The following ERI3 variants were observed in gnomAD, a reference collection of about 807,000 sequenced individuals.
ERI3 encodes ERI1 exoribonuclease family member 3, also known as ERI1 exoribonuclease 3.
ERI3 carries 18 observed loss-of-function variants against 44.4 expected under a neutral mutation model. The ratio of observed to expected loss-of-function variants is 0.41; its 90% CI spans 0.28 to 0.60. The LOEUF is 0.60. Ranked by LOEUF, ERI3 falls within the 20% of genes least tolerant of loss-of-function variation. ERI3 has a pLI of 0.36. For missense variants in ERI3, 294 were observed against 435.5 expected (o/e 0.68, Z 2.89); for synonymous variants, 183 against 164.8 (o/e 1.11, Z -0.84).
intron 4 of ERI3, among the ~76,000 whole-genome samples, chr1:44,319,015 CAGTT>C (rs1248271688): frequency 6.6e-6 from 1 of 152,226 alleles, no homozygotes; most frequent in Non-Finnish European, 1.5e-5. Context: ...ATTAAAATCT[CAGTT>C]AGGCCCAGTT....
chr1:44,239,781 A>AAAGAGGAGG (rs1454736515), intron 8 of ERI3, among the ~76,000 whole-genome samples: 2 of 149,064 alleles, frequency 1.3e-5, no homozygotes, highest in African/African-American at 2.6e-5. Context: ...AGAAGAAAGG[A>AAAGAGGAGG]AAGAGGAGGG....
intron 7 of ERI3, among the ~76,000 whole-genome samples, chr1:44,265,653 T>TAA (rs1282425892): frequency 7.0e-6 from 1 of 143,386 alleles, no homozygotes; most frequent in South Asian, 2.2e-4. Context: ...ATGGGAGAAT[T>TAA]AAAAAAAAAA....
At chr1:44,302,888 A>T (rs1473744620) in intron 6 of ERI3, among the ~76,000 whole-genome samples, 1 of 152,206 alleles carries the variant, frequency 6.6e-6, no homozygotes, top group Non-Finnish European at 1.5e-5. Context: ...CAAACAGGTT[A>T]TGTGCCCTTG....
At chr1:44,323,247 GC>G (rs1337323010) in intron 3 of ERI3, among the ~76,000 whole-genome samples, 4 of 152,180 alleles carry the variant, frequency 2.6e-5, no homozygotes, top group African/African-American at 9.7e-5. Flanking sequence ...AGGGGCTGGA[GC>G]AGGACTAGAG....
chr1:44,309,098 A>C (rs1242704514), intron 5 of ERI3, among the ~76,000 whole-genome samples: 4 of 152,222 alleles, frequency 2.6e-5, no homozygotes, highest in Non-Finnish European at 2.9e-5. Context: ...AACTGCTCCT[A>C]AACACTCTAA....
At chr1:44,290,302 C>T (rs563682636) in intron 6 of ERI3, among the ~76,000 whole-genome samples, 4 of 152,248 alleles carry the variant, frequency 2.6e-5, no homozygotes, top group Middle Eastern at 3.4e-3. Context: ...ATCATGGGAC[C>T]ATGGAGGCAC....
At chr1:44,312,155 G>A (rs1007985196) in intron 5 of ERI3, among the ~76,000 whole-genome samples, 1 of 151,870 alleles carries the variant, frequency 6.6e-6, no homozygotes, top group Non-Finnish European at 1.5e-5. Context: ...AGGATCTCTC[G>A]GCTAAAAAAA....
At chr1:44,292,319 A>T (rs975359972) in intron 6 of ERI3, among the ~76,000 whole-genome samples, 6 of 152,196 alleles carry the variant, frequency 3.9e-5, no homozygotes, top group African/African-American at 1.4e-4. Flanking sequence ...CATTCTCCAA[A>T]TCCAAAGAAT....
chr1:44,230,349 G>A (rs1163585778), intron 8 of ERI3: 1 of 152,186 alleles, frequency 6.6e-6, no homozygotes, highest in African/African-American at 2.4e-5. Context: ...ACAACTAGAA[G>A]TGCCAGGTTA....
Position 44,221,488 on chromosome 1 carries a change from G to A in ERI3, c.*70C>T. ...ATGCCACTCTCCCTCTTCCCCTCTGGTGAGGGAGAGGAGGATTCTGGGCTG... is the reference window on the plus strand; with the variant it reads ...ATGCCACTCTCCCTCTTCCCCTCTGATGAGGGAGAGGAGGATTCTGGGCTG... On this transcript the variant is annotated 3_prime_UTR_variant, in exon 9 of 9. Transcript: ENST00000372257. This position sits in a 1 kb window ranked among gnomAD's most constrained non-coding sequence, Gnocchi z 5.9. The A allele has an allele frequency of 8.1e-7, 1 of 1,236,232 alleles. No individual in the cohort carries two copies. The highest frequency in any genetic ancestry group is 1.2e-6 in the Non-Finnish European group (1 of 838,896). 76.6% of individuals were successfully genotyped at this position (1,236,232 alleles called of 1,614,324 possible). A position where few individuals can be genotyped will look rare whatever the true frequency, so the allele number is the denominator to read the frequency against.
Position 44,345,139 on chromosome 1 carries a change from C to G in ERI3, c.212-5817G>C, listed in dbSNP as rs1646758839. Among the ~76,000 whole-genome samples, 3 of 152,212 alleles carry G rather than the reference C, an allele frequency of 2.0e-5. No homozygotes were observed. In the South Asian group the frequency reaches 6.2e-4, roughly 32 times the overall value. ...GAGAGACCAAAGAAGCACCAAATCA[C>G]CAGATTAGAGGAACCACAGAGGAGT... On this transcript the variant is annotated intron_variant, in intron 2 of 8. Transcript: ENST00000372257.
At chr1:44,347,879 T>TTGTG (rs113526509) in intron 2 of ERI3, among the ~76,000 whole-genome samples, 4,352 of 148,862 alleles carry the variant, frequency 0.029, 60 homozygotes, top group African/African-American at 0.04. Flanking sequence ...GATTGTTTTG[T>TTGTG]TGTGTGTGTG....
At chr1:44,260,737 C>A (rs1644876916) in intron 7 of ERI3, among the ~76,000 whole-genome samples, 1 of 151,434 alleles carries the variant, frequency 6.6e-6, no homozygotes, top group African/African-American at 2.4e-5. Flanking sequence ...CTTCATTCAA[C>A]TCCCCCACCC....
intron 4 of ERI3, among the ~76,000 whole-genome samples, chr1:44,314,118 G>C (rs1452397938): frequency 6.6e-6 from 1 of 150,770 alleles, no homozygotes; most frequent in African/African-American, 2.4e-5. Context: ...CAGTATCTCA[G>C]ACTTGCTTGG....
At chr1:44,312,080 C>G (rs1323682047) in intron 5 of ERI3, among the ~76,000 whole-genome samples, 1 of 152,108 alleles carries the variant, frequency 6.6e-6, no homozygotes, top group Non-Finnish European at 1.5e-5. Flanking sequence ...ACTTGCCTCT[C>G]TGACCCTGGC....
intron 6 of ERI3, among the ~76,000 whole-genome samples, chr1:44,299,437 C>T (rs891545461): frequency 3.9e-5 from 6 of 152,192 alleles, no homozygotes; most frequent in African/African-American, 1.4e-4. Context: ...AATCCTGCTT[C>T]AGCCTCCCAA....
chr1:44,227,718 C>T (rs1404909936), intron 8 of ERI3, among the ~76,000 whole-genome samples: 1 of 152,052 alleles, frequency 6.6e-6, no homozygotes, highest in African/African-American at 2.4e-5. Context: ...AGATGAGGGC[C>T]AAGGCAGTGA....
chr1:44,348,520 G>A (rs1646829161), intron 2 of ERI3, among the ~76,000 whole-genome samples: 2 of 152,298 alleles, frequency 1.3e-5, no homozygotes, highest in Admixed American at 1.3e-4. Context: ...GGGGCACAAG[G>A]CACAATTTTG....
At chr1:44,286,787 T>C (rs1399118672) in intron 6 of ERI3, among the ~76,000 whole-genome samples, 1 of 152,196 alleles carries the variant, frequency 6.6e-6, no homozygotes, top group African/African-American at 2.4e-5. Flanking sequence ...CAGAGAACAA[T>C]ACTTCCATCT....
Sources: gnomAD v4.1 joint callset for allele counts (sites outside exome capture counted in the v4.1 genomes callset) on GRCh38, gnomAD v4.1.1 for gene constraint, Gnocchi (gnomAD v3.1) non-coding constraint, MANE v1.5 for transcripts, NCBI Gene and HGNC (gene_info 2026-07-23, HGNC 2026-07-21) for gene names.